LRMDA: variants seen among roughly 807,000 people sequenced by gnomAD.
The protein encoded by LRMDA is leucine rich melanocyte differentiation associated.
Under a neutral mutation model 29.8 loss-of-function variants are expected in LRMDA, and 18 were observed. That is an observed-to-expected ratio of 0.60 (90% CI 0.42 to 0.90). LRMDA has a LOEUF of 0.90. Among genes scored for constraint, LRMDA ranks in the 40% least tolerant of loss-of-function variants. LRMDA has a pLI of 0.00. For synonymous variants in LRMDA, 125 were observed against 109.4 expected, an observed-to-expected ratio of 1.14 and a Z score of -0.89; for missense variants, 273 against 273.9, an observed-to-expected ratio of 1.00 and a Z score of 0.02.
At chr10:75,867,107 T>G (rs1024643307) in intron 2 of LRMDA, among the ~76,000 whole-genome samples, 1 of 152,198 alleles carries the variant, frequency 6.6e-6, no homozygotes, top group Non-Finnish European at 1.5e-5. Context: ...CTCTCCTTTC[T>G]TTCTCTATCC....
At chr10:76,359,577 A>G (rs1333092553) in intron 6 of LRMDA, among the ~76,000 whole-genome samples, 1 of 152,200 alleles carries the variant, frequency 6.6e-6, no homozygotes, top group South Asian at 2.1e-4. Flanking sequence ...GAGATGCACT[A>G]AGATGCTTTC....
chr10:75,675,668 T>C (rs1182189720), intron 2 of LRMDA, among the ~76,000 whole-genome samples: 2 of 151,980 alleles, frequency 1.3e-5, no homozygotes, highest in African/African-American at 4.8e-5. Flanking sequence ...TAGACCTGAT[T>C]ATAAAATGAA....
chr10:76,472,133 AG>A (rs1441739019), intron 6 of LRMDA, among the ~76,000 whole-genome samples: 2 of 151,826 alleles, frequency 1.3e-5, no homozygotes, highest in Admixed American at 1.3e-4. Context: ...ACTCTTCTCA[AG>A]AACATGGAAT....
intron 2 of LRMDA, among the ~76,000 whole-genome samples, chr10:75,682,418 G>T (rs1263381111): frequency 1.5e-5 from 2 of 135,914 alleles, no homozygotes; most frequent in African/African-American, 5.0e-5. Flanking sequence ...GCAACAACCA[G>T]AAGAGTGTGT....
intron 2 of LRMDA, among the ~76,000 whole-genome samples, chr10:75,692,510 T>C (rs555696114): frequency 2.6e-5 from 4 of 151,304 alleles, no homozygotes. Flanking sequence ...TATGTATACA[T>C]GTGTGTATAC....
chr10:76,032,332 G>A (rs934686220), intron 2 of LRMDA, among the ~76,000 whole-genome samples: 1 of 152,226 alleles, frequency 6.6e-6, no homozygotes, highest in Non-Finnish European at 1.5e-5. Flanking sequence ...GGGCAGGGCT[G>A]CACGCCTGTT....
At chr10:75,566,765 C>T (rs1840377461) in intron 2 of LRMDA, among the ~76,000 whole-genome samples, 1 of 152,158 alleles carries the variant, frequency 6.6e-6, no homozygotes, top group African/African-American at 2.4e-5. Flanking sequence ...TCTCTTTCTC[C>T]CAAGGTCCAG....
intron 2 of LRMDA, among the ~76,000 whole-genome samples, chr10:75,851,377 T>G (rs533581723): frequency 6.6e-6 from 1 of 152,242 alleles, no homozygotes; most frequent in Non-Finnish European, 1.5e-5. Flanking sequence ...TATCCTGTTG[T>G]GTCTTGCCTC....
intron 5 of LRMDA, among the ~76,000 whole-genome samples, chr10:76,316,207 G>A (rs962728105): frequency 3.3e-5 from 5 of 152,192 alleles, no homozygotes; most frequent in Non-Finnish European, 4.4e-5. Flanking sequence ...GGGCTGTGAC[G>A]CCCTCTTTAG....
intron 2 of LRMDA, among the ~76,000 whole-genome samples, chr10:75,875,143 A>G (rs1322795503): frequency 6.6e-6 from 1 of 152,156 alleles, no homozygotes; most frequent in Non-Finnish European, 1.5e-5. Context: ...TGTTCTAGAG[A>G]GAGATAGAAG....
At chr10:76,450,293 A>G (rs1398938933) in intron 6 of LRMDA, among the ~76,000 whole-genome samples, 2 of 152,032 alleles carry the variant, frequency 1.3e-5, no homozygotes, top group Non-Finnish European at 2.9e-5. Flanking sequence ...TTGATTTTGC[A>G]AAGAAGGGTG....
At chr10:76,369,953 T>C (rs1172577262) in intron 6 of LRMDA, among the ~76,000 whole-genome samples, 1 of 152,048 alleles carries the variant, frequency 6.6e-6, no homozygotes, top group Non-Finnish European at 1.5e-5. Flanking sequence ...TATTTGGAAA[T>C]GTAGACAAAT....
intron 5 of LRMDA, among the ~76,000 whole-genome samples, chr10:76,309,040 C>T (rs1324255045): frequency 6.6e-6 from 1 of 151,900 alleles, no homozygotes; most frequent in African/African-American, 2.4e-5. Flanking sequence ...AAGTTGATAA[C>T]AGCTGGGATT....
intron 2 of LRMDA, among the ~76,000 whole-genome samples, chr10:75,493,348 G>GGTGGGTGTGTGTGTGT (rs148712950): frequency 3.7e-5 from 5 of 133,352 alleles, no homozygotes; most frequent in African/African-American, 5.8e-5. Context: ...GTTGAGATTG[G>GGTGGGTGTGTGTGTGT]GTGTGTGTGT....
chr10:76,212,032 T>G (rs1430380235), intron 5 of LRMDA, among the ~76,000 whole-genome samples: 1 of 152,176 alleles, frequency 6.6e-6, no homozygotes, highest in South Asian at 2.1e-4. Flanking sequence ...AGGAACCAAT[T>G]CACTAGCTTC....
intron 2 of LRMDA, among the ~76,000 whole-genome samples, chr10:75,685,573 C>A (rs1842071577): frequency 6.6e-6 from 1 of 152,158 alleles, no homozygotes; most frequent in Non-Finnish European, 1.5e-5. Context: ...TCATTGAGAG[C>A]TTGTCGACTT....
chr10:76,362,026 G>A (rs1288591185), intron 6 of LRMDA, among the ~76,000 whole-genome samples: 1 of 152,180 alleles, frequency 6.6e-6, no homozygotes, highest in Non-Finnish European at 1.5e-5. Context: ...ACTGGCAAAT[G>A]AGTTTGAAGG....
chr10:75,502,616 G>T (rs775000876), intron 2 of LRMDA, among the ~76,000 whole-genome samples: 3 of 152,134 alleles, frequency 2.0e-5, no homozygotes, highest in Non-Finnish European at 4.4e-5. Context: ...TGGCCTCAGG[G>T]CCTGGTTGGC....
At chr10:75,507,256 A>G (rs993887016) in intron 2 of LRMDA, among the ~76,000 whole-genome samples, 2 of 152,158 alleles carry the variant, frequency 1.3e-5, no homozygotes, top group Admixed American at 6.5e-5. Flanking sequence ...TGGAAGCATC[A>G]CAAAATGGCA....
Sources: gnomAD v4.1 joint callset for allele counts (sites outside exome capture counted in the v4.1 genomes callset) on GRCh38, gnomAD v4.1.1 for gene constraint, MANE v1.5 for transcripts, NCBI Gene and HGNC (gene_info 2026-07-23, HGNC 2026-07-21) for gene names.